Variants in TTC28 observed in about 807,000 individuals in gnomAD.
TTC28 encodes the protein tetratricopeptide repeat protein 28.
TTC28 carries 61 observed loss-of-function variants against 198.0 expected under a neutral mutation model. The observed-to-expected ratio is 0.31, with a 90% confidence interval of 0.25 to 0.38. The LOEUF is 0.38. Ranked by LOEUF, TTC28 falls within the 10% of genes least tolerant of loss-of-function variation. The pLI, the probability that TTC28 is intolerant of heterozygous loss-of-function variation, is 1.00. For synonymous variants in TTC28, 1,171 were observed against 1,297.8 expected, an observed-to-expected ratio of 0.90 and a Z score of 2.10; for missense variants, 2,678 against 3,164.0, an observed-to-expected ratio of 0.85 and a Z score of 3.69.
chr22:28,148,469 T>TA (rs1355815381), intron 6 of TTC28, among the ~76,000 whole-genome samples: 4 of 151,994 alleles, frequency 2.6e-5, no homozygotes, highest in Non-Finnish European at 5.9e-5. Context: ...AAAAGTTAGC[T>TA]AGGCGCGGTG....
chr22:28,043,869 G>C (rs1232049179), intron 12 of TTC28, among the ~76,000 whole-genome samples: 2 of 152,166 alleles, frequency 1.3e-5, no homozygotes, highest in East Asian at 1.9e-4. Flanking sequence ...TGGGTAGAGA[G>C]AGTATGAGCT....
intron 5 of TTC28, among the ~76,000 whole-genome samples, chr22:28,164,876 C>T (rs1921715699): frequency 6.6e-6 from 1 of 152,040 alleles, no homozygotes; most frequent in Non-Finnish European, 1.5e-5. Context: ...GATCAAACTA[C>T]TCTGAGCTAA....
intron 2 of TTC28, chr22:28,443,055 G>C (rs897010780): frequency 2.0e-5 from 3 of 152,260 alleles, no homozygotes; most frequent in African/African-American, 7.2e-5. Flanking sequence ...AAAGCCCCAG[G>C]AGAGTCCAGT....
At chr22:28,183,575 T>C (rs1004331058) in intron 5 of TTC28, among the ~76,000 whole-genome samples, 1 of 152,166 alleles carries the variant, frequency 6.6e-6, no homozygotes, top group East Asian at 1.9e-4. Context: ...TTCTACTCTT[T>C]TGGCTTCCAT....
Position 28,145,993 on chromosome 22 carries a change from G to A in TTC28, c.1441+17099C>T, listed in dbSNP as rs938620325. Among the ~76,000 whole-genome samples, 6 of 152,224 alleles carry A rather than the reference G, an allele frequency of 3.9e-5. No individual in the cohort carries two copies. In the East Asian group the frequency reaches 1.2e-3, roughly 29 times the overall value. On this transcript the variant is annotated intron_variant, in intron 6 of 22. Transcript: ENST00000397906. ...GTCCAGGCTCAGGAAGCCAGAAAGC[G>A]GCATAGTTAGGATCTAAAGCCAGGC...
chr22:28,170,483 C>T (rs1481635014), intron 5 of TTC28, among the ~76,000 whole-genome samples: 1 of 141,594 alleles, frequency 7.1e-6, no homozygotes, highest in African/African-American at 2.8e-5. Flanking sequence ...AGCGAGACTC[C>T]GTCTCCAAAA....
At chr22:28,039,032 C>G (rs1048170302) in intron 12 of TTC28, among the ~76,000 whole-genome samples, 2 of 152,034 alleles carry the variant, frequency 1.3e-5, no homozygotes, top group Non-Finnish European at 2.9e-5. Context: ...AGGTGCTGGA[C>G]AGGATGTGGA....
chr22:28,193,610 A>C (rs1424746348), intron 5 of TTC28, among the ~76,000 whole-genome samples: 1 of 152,204 alleles, frequency 6.6e-6, no homozygotes, highest in Non-Finnish European at 1.5e-5. Flanking sequence ...AGCAAATGGA[A>C]AACAAAAAAA....
chr22:27,986,590 C>T (rs890426872), intron 21 of TTC28, among the ~76,000 whole-genome samples: 5 of 152,172 alleles, frequency 3.3e-5, no homozygotes, highest in African/African-American at 1.2e-4. Flanking sequence ...ACCTACGATG[C>T]CACACCCTCT....
Position 28,085,681 on chromosome 22 carries a change from T to C in TTC28, c.3932+8399A>G, listed in dbSNP as rs565127944. ...TAACAATATTAACTTTAAATGTAAATGGACTAAATGCTCCAATTAAAAGAC... is the reference window on the plus strand; with the variant it reads ...TAACAATATTAACTTTAAATGTAAACGGACTAAATGCTCCAATTAAAAGAC... On this transcript the variant is annotated intron_variant, in intron 12 of 22. Transcript: ENST00000397906. Among the ~76,000 whole-genome samples, 477 of 152,094 alleles carry C rather than the reference T, an allele frequency of 3.1e-3. 1 individual carries two copies. The highest frequency in any genetic ancestry group is 5.1e-3 in the Non-Finnish European group (349 of 67,892).
chr22:28,395,144 C>G (rs542894393), intron 2 of TTC28, among the ~76,000 whole-genome samples: 2 of 152,238 alleles, frequency 1.3e-5, no homozygotes, highest in African/African-American at 4.8e-5. Flanking sequence ...GACAATGCTC[C>G]TTTAACCCAA....
At chr22:28,125,907 G>A (rs1475384008) in intron 6 of TTC28, among the ~76,000 whole-genome samples, 2 of 152,168 alleles carry the variant, frequency 1.3e-5, no homozygotes, top group Admixed American at 1.3e-4. Context: ...TCTGCATAAA[G>A]TAGGTGAAAA....
chr22:28,393,727 G>A (rs986728804), intron 2 of TTC28, among the ~76,000 whole-genome samples: 4 of 151,974 alleles, frequency 2.6e-5, no homozygotes, highest in South Asian at 2.1e-4. Context: ...AAAGCAAAAC[G>A]GCTTCAGCTT....
At chr22:27,990,646 G>C in intron 20 of TTC28, 143 bp downstream of exon 20, 1 of 702,274 alleles carries the variant, frequency 1.4e-6, no homozygotes, top group Non-Finnish European at 2.3e-6. Flanking sequence ...CAGCAGCAGT[G>C]CGCACCCGCG....
At chr22:28,360,833 C>G (rs917725466) in intron 2 of TTC28, among the ~76,000 whole-genome samples, 1 of 152,298 alleles carries the variant, frequency 6.6e-6, no homozygotes, top group South Asian at 2.1e-4. Context: ...ACAGTGCTCA[C>G]CTAGTGTCTC....
At chr22:28,672,892 AT>A (rs937500808) in intron 1 of TTC28, among the ~76,000 whole-genome samples, 3 of 152,220 alleles carry the variant, frequency 2.0e-5, no homozygotes, top group Non-Finnish European at 4.4e-5. Flanking sequence ...AACATACCTT[AT>A]TTTACAAGAT....
intron 5 of TTC28, among the ~76,000 whole-genome samples, chr22:28,174,152 A>G (rs1922941536): frequency 6.6e-6 from 1 of 152,206 alleles, no homozygotes; most frequent in Admixed American, 6.5e-5. Context: ...GCACACACTG[A>G]TTCAAATAAC....
chr22:28,605,157 C>T (rs774572920), intron 2 of TTC28, among the ~76,000 whole-genome samples: 4 of 152,168 alleles, frequency 2.6e-5, no homozygotes, highest in Non-Finnish European at 5.9e-5. Context: ...AAGGACACAG[C>T]ATCCATCTTA....
At chr22:27,990,620 G>C (rs1377872614) in intron 20 of TTC28, among the ~76,000 whole-genome samples, 169 bp downstream of exon 20, 1 of 152,192 alleles carries the variant, frequency 6.6e-6, no homozygotes, top group Non-Finnish European at 1.5e-5. Context: ...GCAGAGAAGG[G>C]GACGGGCCGC....
Sources: allele counts gnomAD v4.1 joint callset (sites outside exome capture counted in the v4.1 genomes callset), GRCh38; gene constraint gnomAD v4.1.1; transcripts MANE v1.5; gene names NCBI Gene and HGNC (gene_info 2026-07-23, HGNC 2026-07-21).